KCNMA1: variants seen among roughly 807,000 people sequenced by gnomAD.
KCNMA1 encodes potassium calcium-activated channel subfamily M alpha 1.
A neutral mutation model predicts 140.0 loss-of-function variants in KCNMA1; 29 were observed. That is an observed-to-expected ratio of 0.21 (90% confidence interval 0.15 to 0.28). KCNMA1 has a LOEUF of 0.28. Among genes scored for constraint, KCNMA1 ranks in the 10% least tolerant of loss-of-function variants. The pLI, the probability that KCNMA1 is intolerant of heterozygous loss-of-function variation, is 1.00. For synonymous variants in KCNMA1, 612 were observed against 611.9 expected, an observed-to-expected ratio of 1.00 and a Z score of 0.00; for missense variants, 880 against 1,602.2, an observed-to-expected ratio of 0.55 and a Z score of 7.70.
chr10:77,315,648 T>C (rs1282006027), intron 2 of KCNMA1: 2 of 152,238 alleles, frequency 1.3e-5, no homozygotes, highest in Non-Finnish European at 2.9e-5. Flanking sequence ...CAGCTGTTCA[T>C]ATGACATGGT....
intron 5 of KCNMA1, among the ~76,000 whole-genome samples, chr10:77,126,685 G>T (rs1019738111): frequency 7.3e-5 from 11 of 151,462 alleles, no homozygotes; most frequent in African/African-American, 2.7e-4. Flanking sequence ...CCTCACCTGG[G>T]GCTACATCCC....
intron 13 of KCNMA1, chr10:77,078,144 T>C (rs1356153743): frequency 6.6e-6 from 1 of 152,226 alleles, no homozygotes; most frequent in Non-Finnish European, 1.5e-5. Context: ...TTTCTCTGCA[T>C]CACCTGACTG....
At chr10:77,110,142 A>C (rs2097288359) in intron 8 of KCNMA1, 31 bp downstream of exon 8, 1 of 1,578,978 alleles carries the variant, frequency 6.3e-7, no homozygotes, top group Non-Finnish European at 8.7e-7. Context: ...CAGCCATCAA[A>C]ATCAACATCA....
intron 1 of KCNMA1, among the ~76,000 whole-genome samples, chr10:77,578,819 A>G (rs1376805365): frequency 6.6e-6 from 1 of 152,072 alleles, no homozygotes; most frequent in East Asian, 1.9e-4. Context: ...TCCCCTATAT[A>G]TTTGTTAAAA....
chr10:77,082,229 A>G (rs1396428505), intron 12 of KCNMA1, among the ~76,000 whole-genome samples: 1 of 151,634 alleles, frequency 6.6e-6, no homozygotes, highest in African/African-American at 2.4e-5. Flanking sequence ...GGGTTTCACC[A>G]TGTTGGTCAG....
rs186089077 is a variant in KCNMA1, at chr10:77,417,820, A to C, written c.379-13797T>G. Among the ~76,000 whole-genome samples the C allele has an allele frequency of 7.9e-5, 12 of 152,276 alleles. 1 individual carries two copies. The highest frequency in any genetic ancestry group is 6.5e-4 in the Admixed American group (10 of 15,298). On this transcript the variant is annotated intron_variant, in intron 1 of 27. Transcript: ENST00000286628. ...CGTCAGACAGCCTTTCCCCACACTT[A>C]AGATGATCCCCATTCAGGAAACCAA...
intron 22 of KCNMA1, among the ~76,000 whole-genome samples, chr10:76,945,619 C>T (rs1259139560): frequency 1.3e-5 from 2 of 151,924 alleles, no homozygotes; most frequent in African/African-American, 4.8e-5. Context: ...AGGGAAATGA[C>T]CTAATTGTCC....
At chr10:77,019,954 G>A (rs1365899994) in intron 16 of KCNMA1, 1 of 152,102 alleles carries the variant, frequency 6.6e-6, no homozygotes, top group Non-Finnish European at 1.5e-5. Context: ...ACTGACAGAA[G>A]AGATAAATGT....
In KCNMA1 at chr10:76,979,012, G is replaced by A. The variant is rs191254421; in HGVS notation, c.2267-8945C>T. On this transcript the variant is annotated intron_variant, in intron 19 of 27. Transcript: ENST00000286628. ...CATTTATCTTGATTCCTGAGGTTTT[G>A]GGTCTCCTCTTAAATTTGGTGCCCA... Among the ~76,000 whole-genome samples the A allele has an allele frequency of 2.6e-5, 4 of 152,076 alleles. No individual in the cohort carries two copies. In the East Asian group the frequency reaches 7.7e-4, roughly 29 times the overall value.
chr10:77,451,241 C>T (rs778503090), intron 1 of KCNMA1, among the ~76,000 whole-genome samples: 1 of 152,166 alleles, frequency 6.6e-6, no homozygotes, highest in Non-Finnish European at 1.5e-5. Context: ...CCAGTGACAT[C>T]CCGGAATTAA....
chr10:76,978,230 T>G lies in KCNMA1; in HGVS notation c.2267-8163A>C, dbSNP rs565788289. ...CCAAACTGATGAGTTTGTAATGCAT[T>G]TCTTATCAAAGGTAGTTTCAGAAAA... On this transcript the variant is annotated intron_variant, in intron 19 of 27. Coordinates refer to ENST00000286628, the MANE Select transcript of KCNMA1 (RefSeq NM_001161352.2). Among the ~76,000 whole-genome samples, 29 of 152,308 alleles carry G rather than the reference T, an allele frequency of 1.9e-4. No homozygotes were observed. In the East Asian group the frequency reaches 5.4e-3, roughly 28 times the overall value.
At chr10:77,573,819 A>C (rs1320818040) in intron 1 of KCNMA1, among the ~76,000 whole-genome samples, 4 of 149,090 alleles carry the variant, frequency 2.7e-5, no homozygotes, top group African/African-American at 5.0e-5. Flanking sequence ...CTGTTCATTT[A>C]TATCCTTTAT....
chr10:77,046,016 T>C (rs2095032287), intron 14 of KCNMA1, among the ~76,000 whole-genome samples: 1 of 152,180 alleles, frequency 6.6e-6, no homozygotes, highest in Admixed American at 6.5e-5. Flanking sequence ...TAAAAGGAAA[T>C]TATAAAAACC....
chr10:76,903,166 A>T, intron 25 of KCNMA1: 1 of 152,532 alleles, frequency 6.6e-6, no homozygotes, highest in Non-Finnish European at 1.5e-5. Context: ...CTGCAAGTGT[A>T]ACCCGCCCAA....
At chr10:77,560,528 G>T (rs905032646) in intron 1 of KCNMA1, among the ~76,000 whole-genome samples, 2 of 152,202 alleles carry the variant, frequency 1.3e-5, no homozygotes, top group African/African-American at 2.4e-5. Flanking sequence ...CAGGTGAGGT[G>T]GTTCTCAGTC....
At chr10:77,592,658 G>A (rs1484696155) in intron 1 of KCNMA1, among the ~76,000 whole-genome samples, 1 of 152,236 alleles carries the variant, frequency 6.6e-6, no homozygotes. Flanking sequence ...CCAGAGGCAG[G>A]AAAGGGGCCA....
intron 1 of KCNMA1, among the ~76,000 whole-genome samples, chr10:77,616,812 A>G (rs1379862104): frequency 6.6e-6 from 1 of 152,142 alleles, no homozygotes; most frequent in Admixed American, 6.6e-5. Flanking sequence ...TCTCAAAAAA[A>G]AAAAAAAGCC....
intron 2 of KCNMA1, among the ~76,000 whole-genome samples, chr10:77,371,799 G>A (rs1451857633): frequency 2.0e-5 from 3 of 152,156 alleles, no homozygotes; most frequent in Non-Finnish European, 4.4e-5. Context: ...GGGAACCCTG[G>A]AAAATCTCTC....
chr10:77,509,108 T>G (rs1265239076), intron 1 of KCNMA1, among the ~76,000 whole-genome samples: 4 of 113,410 alleles, frequency 3.5e-5, no homozygotes, highest in African/African-American at 1.3e-4. Context: ...GGTTTTGTTG[T>G]TGTTGTTGTT....
Sources: allele counts gnomAD v4.1 joint callset (sites outside exome capture counted in the v4.1 genomes callset), GRCh38; gene constraint gnomAD v4.1.1; transcripts MANE v1.5; gene names NCBI Gene and HGNC (gene_info 2026-07-23, HGNC 2026-07-21).